Variants in CDKN2B-AS1 observed in about 807,000 individuals in gnomAD.
The protein encoded by CDKN2B-AS1 is CDKN2B and CDKN2A antisense cis and trans regulatory RNA 1, also known as CDKN2B antisense RNA 1 (non-protein coding).
In CDKN2B-AS1 at chr9:22,036,253, ATGCT is replaced by A. The variant is rs140426657; in HGVS notation, n.30-10494_30-10491del. The stretch of plus-strand genomic sequence containing the variant: ...ATTGAATGCTGTAAACATGAAGATA[ATGCT>A]TGCAAAGTAGCTACAGAGAAAGAGA... On this transcript the variant is annotated intron_variant and non_coding_transcript_variant, in intron 1 of 4. Transcript: ENST00000650946. Among the ~76,000 whole-genome samples the A allele has an allele frequency of 9.9e-3, 1,511 of 152,080 alleles. 13 individuals are homozygous for A. The highest frequency in any genetic ancestry group is 0.016 in the Non-Finnish European group (1,089 of 67,952).
intron 4 of CDKN2B-AS1, among the ~76,000 whole-genome samples, chr9:22,099,709 A>C (rs1587531624): frequency 6.6e-6 from 1 of 151,898 alleles, no homozygotes; most frequent in Middle Eastern, 3.4e-3. Flanking sequence ...AAAAGATTTG[A>C]GCCACATTTA....
intron 1 of CDKN2B-AS1, among the ~76,000 whole-genome samples, chr9:22,026,610 C>T (rs756389275): frequency 6.6e-6 from 1 of 152,168 alleles, no homozygotes; most frequent in Non-Finnish European, 1.5e-5. Flanking sequence ...GGAAGTGGGG[C>T]CTGTAGACCT....
chr9:22,006,865 T>C lies in CDKN2B-AS1; in HGVS notation n.29+11704T>C, dbSNP rs1010516386. ...TGTAGTGTGATAATTTGAGCCAAAG[T>C]TGGAGATTAGAAGGGAAAAGTAAAT... On this transcript the variant is annotated intron_variant and non_coding_transcript_variant, in intron 1 of 4. Transcript: ENST00000650946. This position sits in a 1 kb window ranked among gnomAD's most constrained non-coding sequence, Gnocchi z 6.4. Among the ~76,000 whole-genome samples the C allele has an allele frequency of 5.3e-5, 8 of 152,068 alleles. No individual in the cohort carries two copies. Among genetic ancestry groups the C allele is most frequent in the African/African-American group, 1.9e-4 (8 of 41,396 alleles).
At chr9:22,126,574 C>CTGTTTTTTTTTTTTTTT (rs1818027053) in intron 4 of CDKN2B-AS1, among the ~76,000 whole-genome samples, 1 of 104,892 alleles carries the variant, frequency 9.5e-6, no homozygotes, top group African/African-American at 4.0e-5. Context: ...TAAGTGGATT[C>CTGTTTTTTTTTTTTTTT]TTTTTTTTTT....
At chr9:22,118,468 A>G (rs183385857) in intron 4 of CDKN2B-AS1, 39 of 152,300 alleles carry the variant, frequency 2.6e-4, no homozygotes, top group African/African-American at 8.9e-4. Flanking sequence ...GACAACAAGG[A>G]ACCTGTTTTC....
At chr9:22,035,777 G>T (rs1267140345) in intron 1 of CDKN2B-AS1, among the ~76,000 whole-genome samples, 3 of 152,130 alleles carry the variant, frequency 2.0e-5, no homozygotes, top group Non-Finnish European at 4.4e-5. Flanking sequence ...CCTGATAGAA[G>T]TCAGACTCTG....
At chr9:22,126,428 C>T (rs1818023844) in intron 4 of CDKN2B-AS1, among the ~76,000 whole-genome samples, 1 of 151,666 alleles carries the variant, frequency 6.6e-6, no homozygotes, top group African/African-American at 2.4e-5. Context: ...ATAATAAAAA[C>T]AATAACAACG....
intron 4 of CDKN2B-AS1, among the ~76,000 whole-genome samples, chr9:22,081,275 C>CTTTTTT (rs36049201): frequency 8.0e-6 from 1 of 124,512 alleles, no homozygotes. Flanking sequence ...TGTTCTTTAG[C>CTTTTTT]TTTTTTTTTT....
chr9:22,069,892 T>C (rs1231186241), intron 4 of CDKN2B-AS1, among the ~76,000 whole-genome samples: 2 of 152,096 alleles, frequency 1.3e-5, no homozygotes, highest in African/African-American at 2.4e-5. Flanking sequence ...TTTTGCAGAG[T>C]TCGCTCTGCC....
intron 4 of CDKN2B-AS1, among the ~76,000 whole-genome samples, chr9:22,115,617 C>G (rs1335176951): frequency 6.6e-6 from 1 of 152,036 alleles, no homozygotes; most frequent in Admixed American, 6.6e-5. Flanking sequence ...AGTGTTTCCT[C>G]TCTTGGGTGA....
intron 4 of CDKN2B-AS1, among the ~76,000 whole-genome samples, chr9:22,061,477 G>A (rs900864602): frequency 1.3e-5 from 2 of 151,996 alleles, no homozygotes; most frequent in Non-Finnish European, 2.9e-5. Context: ...GTATATATTG[G>A]GCCTATTAGC....
chr9:22,047,572 AGTT>A (rs1823158307), intron 2 of CDKN2B-AS1, among the ~76,000 whole-genome samples: 1 of 152,206 alleles, frequency 6.6e-6, no homozygotes, highest in Admixed American at 6.5e-5. Context: ...GAAATATATT[AGTT>A]ATTATTTATT....
At chr9:22,035,310 A>G (rs919617545) in intron 1 of CDKN2B-AS1, among the ~76,000 whole-genome samples, 21 of 151,704 alleles carry the variant, frequency 1.4e-4, no homozygotes, top group African/African-American at 4.6e-4. Context: ...AACTTGAAGT[A>G]GAGCAACAAG....
chr9:22,086,338 C>T (rs534369150), intron 4 of CDKN2B-AS1, among the ~76,000 whole-genome samples: 2 of 152,168 alleles, frequency 1.3e-5, no homozygotes, highest in Admixed American at 1.3e-4. Context: ...TAAAAAGTAG[C>T]ATAATTAAAA....
chr9:22,093,336 C>T (rs1399308338), intron 4 of CDKN2B-AS1, among the ~76,000 whole-genome samples: 1 of 125,338 alleles, frequency 8.0e-6, no homozygotes, highest in Admixed American at 8.4e-5. Flanking sequence ...TCTATTAGGT[C>T]CGCTTGGTGC....
chr9:22,018,604 A>C (rs905978860), intron 1 of CDKN2B-AS1, among the ~76,000 whole-genome samples: 1 of 152,126 alleles, frequency 6.6e-6, no homozygotes, highest in African/African-American at 2.4e-5. Context: ...TTGCCTGTGC[A>C]CTCGGGCCAC....
intron 1 of CDKN2B-AS1, chr9:22,046,193 CA>C (rs1823103549): frequency 6.6e-6 from 1 of 152,024 alleles, no homozygotes; most frequent in Non-Finnish European, 1.5e-5. Context: ...AGCAATAATT[CA>C]AGAAAAATGC....
chr9:22,084,364 A>C (rs1426158014), intron 4 of CDKN2B-AS1, among the ~76,000 whole-genome samples: 1 of 152,216 alleles, frequency 6.6e-6, no homozygotes, highest in Non-Finnish European at 1.5e-5. Context: ...TTAATTTTAT[A>C]TTATGTTTAA....
chr9:22,080,930 A>G (rs1289179027), intron 4 of CDKN2B-AS1, among the ~76,000 whole-genome samples: 1 of 152,154 alleles, frequency 6.6e-6, no homozygotes, highest in African/African-American at 2.4e-5. Flanking sequence ...GTTTTTTTGC[A>G]TGAGAATTAG....
Sources: gnomAD v4.1 joint callset for allele counts (sites outside exome capture counted in the v4.1 genomes callset) on GRCh38, gnomAD v4.1.1 for gene constraint, Gnocchi (gnomAD v3.1) non-coding constraint, MANE v1.5 for transcripts, NCBI Gene and HGNC (gene_info 2026-07-23, HGNC 2026-07-21) for gene names.